ELOVL7: variants seen among roughly 807,000 people sequenced by gnomAD.
ELOVL7 encodes the protein ELOVL fatty acid elongase 7.
ELOVL7 carries 27 observed loss-of-function variants against 35.7 expected under a neutral mutation model. The observed-to-expected ratio is 0.76, with a 90% confidence interval of 0.56 to 1.04. ELOVL7 has a LOEUF of 1.04. Among genes scored for constraint, ELOVL7 ranks in the 50% least tolerant of loss-of-function variants. The pLI is 0.00. For missense variants in ELOVL7, 327 were observed against 340.8 expected (o/e 0.96, Z 0.32); for synonymous variants, 113 against 114.6 (o/e 0.99, Z 0.09).
At position 60,787,319 on chromosome 5, in the gene ELOVL7, A is replaced by G; in HGVS notation, c.64+15T>C. On this transcript the variant is annotated intron_variant, in intron 3 of 8. Coordinates refer to ENST00000508821, the MANE Select transcript of ELOVL7 (RefSeq NM_024930.3). The stretch of plus-strand genomic sequence containing the variant: ...AAGGAAGGATGAACCTCAATTAGGA[A>G]ATGTGGTTACTCACCAGCATCTTTG... 1 of 1,584,862 alleles carries G rather than the reference A, an allele frequency of 6.3e-7. No individual in the cohort carries two copies. Among genetic ancestry groups the G allele is most frequent in the South Asian group, 1.2e-5 (1 of 85,442 alleles).
At chr5:60,830,552 C>G (rs1158352620) in intron 1 of ELOVL7, among the ~76,000 whole-genome samples, 1 of 151,272 alleles carries the variant, frequency 6.6e-6, no homozygotes, top group African/African-American at 2.4e-5. Flanking sequence ...GGTAAGGTAC[C>G]TGGGTTTTAT....
chr5:60,806,395 A>T (rs1744926722), intron 1 of ELOVL7, among the ~76,000 whole-genome samples: 1 of 152,178 alleles, frequency 6.6e-6, no homozygotes, highest in Non-Finnish European at 1.5e-5. Context: ...GTTACCTATA[A>T]AAAGAGGCAA....
intron 4 of ELOVL7, 26 bp downstream of exon 4, chr5:60,771,877 C>A: frequency 1.3e-6 from 2 of 1,498,820 alleles, no homozygotes; most frequent in Admixed American, 2.0e-5. Flanking sequence ...CAAAATTCTC[C>A]CATTAGGAAT....
intron 1 of ELOVL7, among the ~76,000 whole-genome samples, chr5:60,837,069 T>G (rs934957940): frequency 6.6e-6 from 1 of 151,686 alleles, no homozygotes; most frequent in African/African-American, 2.4e-5. Flanking sequence ...TTTTTCACCT[T>G]TCTGTACCTG....
chr5:60,830,114 C>T (rs1042112071), intron 1 of ELOVL7, among the ~76,000 whole-genome samples: 9 of 152,264 alleles, frequency 5.9e-5, no homozygotes, highest in African/African-American at 2.2e-4. Context: ...GCTCCTGAGA[C>T]TCAAACAGTA....
intron 1 of ELOVL7, among the ~76,000 whole-genome samples, chr5:60,823,788 G>A (rs1291668745): frequency 6.6e-6 from 1 of 152,192 alleles, no homozygotes; most frequent in African/African-American, 2.4e-5. Flanking sequence ...TGATGCTTGG[G>A]TCCTGCCTCC....
At chr5:60,760,817 T>A (rs1185288325) in intron 7 of ELOVL7, among the ~76,000 whole-genome samples, 1 of 152,170 alleles carries the variant, frequency 6.6e-6, no homozygotes, top group African/African-American at 2.4e-5. Flanking sequence ...AATTTTTGTA[T>A]CAGGTGTAAG....
chr5:60,755,831 C>T (rs574977456), intron 8 of ELOVL7, among the ~76,000 whole-genome samples: 1 of 152,198 alleles, frequency 6.6e-6, no homozygotes, highest in East Asian at 1.9e-4. Flanking sequence ...CATGTTTTCC[C>T]TGATTAAAAA....
intron 3 of ELOVL7, among the ~76,000 whole-genome samples, chr5:60,786,658 T>A (rs527880619): frequency 6.2e-4 from 94 of 152,224 alleles, no homozygotes; most frequent in African/African-American, 2.0e-3. Context: ...TCAAAAGAGT[T>A]GGCAGTGGCC....
chr5:60,818,907 C>T (rs1031288668), intron 1 of ELOVL7, among the ~76,000 whole-genome samples: 28 of 150,730 alleles, frequency 1.9e-4, no homozygotes, highest in Non-Finnish European at 4.0e-4. Flanking sequence ...ACTCGGGAGG[C>T]TGAGACAGGA....
chr5:60,829,225 C>T (rs1032683963), intron 1 of ELOVL7, among the ~76,000 whole-genome samples: 1 of 151,910 alleles, frequency 6.6e-6, no homozygotes, highest in African/African-American at 2.4e-5. Flanking sequence ...TTTCCCAATT[C>T]TTTTCCTAGA....
chr5:60,797,782 G>A (rs544924455), intron 2 of ELOVL7, among the ~76,000 whole-genome samples: 1 of 152,302 alleles, frequency 6.6e-6, no homozygotes, highest in Non-Finnish European at 1.5e-5. Context: ...AATAGGCATG[G>A]AAATGGGAAA....
chr5:60,763,361 G>C (rs946597354), intron 7 of ELOVL7, among the ~76,000 whole-genome samples: 6 of 152,130 alleles, frequency 3.9e-5, no homozygotes, highest in African/African-American at 1.4e-4. Context: ...AGAGAGTCTA[G>C]AACTCAAACA....
intron 1 of ELOVL7, among the ~76,000 whole-genome samples, chr5:60,799,867 G>A (rs1351004866): frequency 3.3e-5 from 5 of 151,472 alleles, no homozygotes; most frequent in East Asian, 3.9e-4. Flanking sequence ...GAGAAACCCC[G>A]TCTCTACTAA....
intron 1 of ELOVL7, among the ~76,000 whole-genome samples, chr5:60,818,922 C>T (rs905881294): frequency 6.7e-6 from 1 of 150,230 alleles, no homozygotes. Context: ...ACAGGAGAAT[C>T]ATTTTGAACC....
At chr5:60,774,028 A>G (rs112256330) in intron 3 of ELOVL7, among the ~76,000 whole-genome samples, 1 of 152,220 alleles carries the variant, frequency 6.6e-6, no homozygotes, top group Non-Finnish European at 1.5e-5. Flanking sequence ...TATAAATTAA[A>G]TGACTGAAGA....
intron 1 of ELOVL7, among the ~76,000 whole-genome samples, chr5:60,815,703 G>C (rs948275153): frequency 7.9e-5 from 12 of 152,182 alleles, no homozygotes; most frequent in African/African-American, 2.9e-4. Flanking sequence ...AAATAGCTGG[G>C]ATTGCAGGTT....
At position 60,757,534 on chromosome 5, in the gene ELOVL7, T is replaced by C. The variant is rs1741615782; in HGVS notation, c.611A>G (p.Lys204Arg). The C allele has an allele frequency of 1.2e-6, 2 of 1,613,386 alleles. No homozygotes were observed. Among genetic ancestry groups the C allele is most frequent in the Non-Finnish European group, 1.7e-6 (2 of 1,179,622 alleles). Residue 204 changes from lysine to arginine, a missense_variant, in exon 8 of 9, where the codon AAA becomes AGA. Lys to Arg is a conservative substitution (Grantham distance 26). Coordinates refer to ENST00000508821, the MANE Select transcript of ELOVL7 (RefSeq NM_024930.3). The part of the protein sequence containing the change: ...GPAYQKYLWW[K>R]KYLTSLQLVQ... ...AAGCTGTAATGATGTCAAATATTTT[T>C]TCCACCACAAATACTTCTGGTAGGC...
chr5:60,775,914 A>G (rs1331273789), intron 3 of ELOVL7, among the ~76,000 whole-genome samples: 1 of 152,220 alleles, frequency 6.6e-6, no homozygotes, highest in Non-Finnish European at 1.5e-5. Flanking sequence ...TCTTCTGGAC[A>G]CTGGCCTTGG....
Sources: allele counts gnomAD v4.1 joint callset (sites outside exome capture counted in the v4.1 genomes callset), GRCh38; gene constraint gnomAD v4.1.1; transcripts MANE v1.5; gene names NCBI Gene and HGNC (gene_info 2026-07-23, HGNC 2026-07-21).